Variants in B4GALNT1 observed in about 807,000 individuals in gnomAD.
B4GALNT1 encodes the protein beta-1,4 N-acetylgalactosaminyltransferase 1.
Under a neutral mutation model 55.2 loss-of-function variants are expected in B4GALNT1, and 43 were observed. The ratio of observed to expected loss-of-function variants is 0.78; its 90% CI spans 0.61 to 1.00. B4GALNT1 has a LOEUF of 1.00. Ranked by LOEUF, B4GALNT1 falls within the 50% of genes least tolerant of loss-of-function variation. The probability of loss-of-function intolerance (pLI) is 0.00; values close to 1 mark genes in which losing one functional copy is unlikely to be tolerated. For synonymous variants in B4GALNT1, 305 were observed against 311.6 expected (o/e 0.98, Z 0.22); for missense variants, 664 against 729.7 (o/e 0.91, Z 1.04).
In B4GALNT1 at chr12:57,628,465, C is replaced by T. The variant is rs149630035; in HGVS notation, c.1003-203G>A. On this transcript the variant is annotated intron_variant, in intron 8 of 10. Transcript: ENST00000341156. ...GTGGTCTTAGAATGCGTTTAATTTC[C>T]GTGTGCATTTATTTATTCATTCATC... 1.7e-4 allele frequency: 150 copies of T among 857,574 alleles called. No homozygotes were observed. In the African/African-American group the frequency reaches 2.4e-3, roughly 14 times the overall value. The allele number at this position is 857,574 out of a possible 1,614,324, so 53.1% of individuals were successfully genotyped here.
In B4GALNT1 at chr12:57,630,309, G is replaced by A; in HGVS notation, c.555C>T (p.Gly185=). 1.2e-6 allele frequency: 2 copies of A among 1,614,074 alleles called. No individual in the cohort carries two copies. Among genetic ancestry groups the A allele is most frequent in the Non-Finnish European group, 1.7e-6 (2 of 1,179,940 alleles). ...VYQVNLTASL[G]TWDVAGEVTG... ...TCACTTCCCCTGCCACGTCCCAGGT[G>A]CCTAGGGAGGCAGTCAGGTTCACCT... is the stretch of plus-strand genomic sequence containing the variant. The change falls in exon 6 of 11, where the codon GGC becomes GGT. Residue 185 remains glycine, a synonymous_variant. Transcript: ENST00000341156.
chr12:57,627,377 GAAC>G (rs1884888948), intron 10 of B4GALNT1, among the ~76,000 whole-genome samples: 1 of 149,348 alleles, frequency 6.7e-6, no homozygotes, highest in Non-Finnish European at 1.5e-5. Flanking sequence ...ATGTACCCTA[GAAC>G]TTAAAGTATA....
At chr12:57,631,663 G>C (rs992696330) in intron 2 of B4GALNT1, among the ~76,000 whole-genome samples, 11 of 152,214 alleles carry the variant, frequency 7.2e-5, no homozygotes, top group African/African-American at 2.6e-4. Flanking sequence ...CAGGACCTCA[G>C]GGAGTCTTTC....
Position 57,623,824 on chromosome 12 carries a change from CCTT to C in B4GALNT1, c.*2917_*2919del. 6.2e-7 allele frequency: 1 copy of C among 1,612,832 alleles called. No individual in the cohort carries two copies. Among genetic ancestry groups the C allele is most frequent in the Non-Finnish European group, 8.5e-7 (1 of 1,179,674 alleles). ...CTCTTCCTTTTTTGCTCCTGTTCCT[CCTT>C]TTCTCTAGCTGGCAGGCCTCTTCTC... is the stretch of plus-strand genomic sequence containing the variant. On this transcript the variant is annotated 3_prime_UTR_variant, in exon 11 of 11. Transcript: ENST00000341156.
chr12:57,628,508 C>T, intron 8 of B4GALNT1: 1 of 798,892 alleles, frequency 1.3e-6, no homozygotes, highest in East Asian at 2.7e-5. Context: ...TTATTGAATG[C>T]CATTAGGCAC....
In B4GALNT1 at chr12:57,630,994, C is replaced by T; in HGVS notation, c.476G>A (p.Ser159Asn). ...LQGVEVQPLR[S>N]ILVPGLSLQA... ...CTCCTCCCTACCTGGCACCAAGATG[C>T]TCCTGAGGGGCTGAACTTCCACACC... Residue 159 changes from serine (S) to asparagine (N), a missense_variant, in exon 4 of 11, where the codon AGC (serine) becomes AAC (asparagine). Physicochemically the swap from Ser to Asn is conservative, Grantham distance 46. Coordinates refer to ENST00000341156, the MANE Select transcript of B4GALNT1 (RefSeq NM_001478.5). 6.2e-7 allele frequency: 1 copy of T among 1,613,054 alleles called. No individual in the cohort carries two copies. The highest frequency in any genetic ancestry group is 8.5e-7 in the Non-Finnish European group (1 of 1,179,836).
Position 57,630,506 on chromosome 12 carries a change from T to C in B4GALNT1, c.503A>G (p.Gln168Arg), listed in dbSNP as rs2140250034. The C allele has an allele frequency of 1.9e-6, 3 of 1,608,932 alleles. No homozygotes were observed. Among genetic ancestry groups the C allele is most frequent in the Non-Finnish European group, 2.5e-6 (3 of 1,177,590 alleles). ...RSILVPGLSL[Q>R]AASGQEVYQV... Reference sequence around the variant, plus strand: ...GTATACCTCCTGACCAGAAGCTGCCTGAAGGCTCAGCCCTAGGAGAAAGGA... The same window carrying C: ...GTATACCTCCTGACCAGAAGCTGCCCGAAGGCTCAGCCCTAGGAGAAAGGA... Residue 168 changes from glutamine to arginine, a missense_variant, in exon 5 of 11, where the codon CAG becomes CGG. Transcript: ENST00000341156.
In B4GALNT1 at chr12:57,625,608, G is replaced by A. The variant is rs1419843367; in HGVS notation, c.*1136C>T. On this transcript the variant is annotated 3_prime_UTR_variant, in exon 11 of 11. Transcript: ENST00000341156. The stretch of plus-strand genomic sequence containing the variant: ...CTTGGTGCAGGGGACACTGACCCGG[G>A]TAGGACTCCTGGACAGGGTGACTCC... The A allele has an allele frequency of 6.3e-7, 1 of 1,593,278 alleles. No individual in the cohort carries two copies. The highest frequency in any genetic ancestry group is 8.6e-7 in the Non-Finnish European group (1 of 1,168,710).
rs774016694 is a variant in B4GALNT1 at position 57,625,711 on chromosome 12, G to T, written c.*1033C>A. The T allele has an allele frequency of 1.9e-6, 3 of 1,542,068 alleles. No homozygotes were observed. In the Admixed American group the frequency reaches 6.2e-5, roughly 32 times the overall value. ...CTGTTAAGGGGCAGTAGCACCAGGAGCGGGAGCCAGGAGGCACTGGGCTGC... is the reference window on the plus strand; with the variant it reads ...CTGTTAAGGGGCAGTAGCACCAGGATCGGGAGCCAGGAGGCACTGGGCTGC... On this transcript the variant is annotated 3_prime_UTR_variant, in exon 11 of 11. Transcript: ENST00000341156.
Position 57,631,221 on chromosome 12 carries a change from T to C in B4GALNT1, c.362A>G (p.Glu121Gly). 1.2e-6 allele frequency: 2 copies of C among 1,614,152 alleles called. No homozygotes were observed. Among genetic ancestry groups the C allele is most frequent in the Non-Finnish European group, 1.7e-6 (2 of 1,180,016 alleles). Residue 121 changes from glutamate (E) to glycine (G), a missense_variant, in exon 3 of 11, where the codon GAG (glutamate) becomes GGG (glycine). Transcript: ENST00000341156. ...GTACCTCGACAGAAAGGCCTGGAAC[T>C]CCTGCTCTCTTGTGGCAGAGGCAGC... is the stretch of plus-strand genomic sequence containing the variant. ...LRAASATREQEFQAFLSRSQS... is the reference protein window; with the variant it reads ...LRAASATREQGFQAFLSRSQS...
In B4GALNT1 at chr12:57,627,863, A is replaced by C; in HGVS notation, c.1144-5T>G. 1 of 1,571,776 alleles carries C rather than the reference A, an allele frequency of 6.4e-7. No individual in the cohort carries two copies. Among genetic ancestry groups the C allele is most frequent in the Non-Finnish European group, 8.6e-7 (1 of 1,157,942 alleles). On this transcript the variant is annotated splice_polypyrimidine_tract_variant and splice_region_variant and intron_variant, in intron 9 of 10. Transcript: ENST00000341156. ...CTCGCGCACCGCGCCCCCCACCTGC[A>C]GGGAGAGGGAGGTTGCCTCCAGGCG...
Position 57,627,834 on chromosome 12 carries a change from A to AG in B4GALNT1, c.1167dup (p.Ser390LeufsTer48), listed in dbSNP as rs1264126660. ...TGCCGATAAGTGGTGGCAAAGCCGG[A>AG]GATCTCGCGCACCGCGCCCCCCACC... On this transcript the variant is annotated frameshift_variant, in exon 10 of 11. Coordinates refer to ENST00000341156, the MANE Select transcript of B4GALNT1 (RefSeq NM_001478.5). LOFTEE classifies it high-confidence loss of function. 2 of 1,588,078 alleles carry AG rather than the reference A, an allele frequency of 1.3e-6. No homozygotes were observed. The highest frequency in any genetic ancestry group is 1.7e-6 in the Non-Finnish European group (2 of 1,165,694).
intron 4 of B4GALNT1, among the ~76,000 whole-genome samples, chr12:57,630,742 G>C (rs1885148153): frequency 1.3e-5 from 2 of 152,170 alleles, no homozygotes; most frequent in African/African-American, 4.8e-5. Context: ...CTAACCAATG[G>C]TTAGTCAGCA....
chr12:57,631,112 G>C, intron 3 of B4GALNT1, 26 bp from the exon 4 acceptor site: 1 of 1,609,034 alleles, frequency 6.2e-7, no homozygotes, highest in Non-Finnish European at 8.5e-7. Flanking sequence ...GGAGAGGACA[G>C]AGCAGAGTCG....
Position 57,625,698 on chromosome 12 carries a change from A to C in B4GALNT1, c.*1046T>G, listed in dbSNP as rs1357861913. On this transcript the variant is annotated 3_prime_UTR_variant, in exon 11 of 11. Transcript: ENST00000341156. Reference sequence around the variant, plus strand: ...TGCCCTGGGGAGCCTGTTAAGGGGCAGTAGCACCAGGAGCGGGAGCCAGGA... The same window carrying C: ...TGCCCTGGGGAGCCTGTTAAGGGGCCGTAGCACCAGGAGCGGGAGCCAGGA... The C allele has an allele frequency of 2.6e-6, 4 of 1,550,664 alleles. No individual in the cohort carries two copies. Among genetic ancestry groups the C allele is most frequent in the Non-Finnish European group, 3.5e-6 (4 of 1,150,554 alleles).
Position 57,629,105 on chromosome 12 carries a change from G to A in B4GALNT1, c.754C>T (p.Arg252Cys), listed in dbSNP as rs368334961. 152 of 1,599,314 alleles carry A rather than the reference G, an allele frequency of 9.5e-5. No individual in the cohort carries two copies. Among genetic ancestry groups the A allele is most frequent in the Non-Finnish European group, 1.2e-4 (146 of 1,169,202 alleles). ...TEGHEAAFTI[R>C]IRHPPNPRLY... ...CGAGGGTTGGGCGGGTGTCTTATGCGGATAGTGAAAGCAGCCTCATGTCCC... is the reference window on the plus strand; with the variant it reads ...CGAGGGTTGGGCGGGTGTCTTATGCAGATAGTGAAAGCAGCCTCATGTCCC... Residue 252 changes from arginine to cysteine, a missense_variant, in exon 7 of 11, where the codon CGC becomes TGC. By Grantham distance (180) the Arg-to-Cys change is radical (BLOSUM62 -3). Coordinates refer to ENST00000341156, the MANE Select transcript of B4GALNT1 (RefSeq NM_001478.5).
At position 57,625,389 on chromosome 12, in the gene B4GALNT1, C is replaced by G. The variant is rs769968340; in HGVS notation, c.*1355G>C. On this transcript the variant is annotated 3_prime_UTR_variant, in exon 11 of 11. Transcript: ENST00000341156. ...CATACCCTCTGATCTGGGACTTAAC[C>G]CCTTTGCCCCATCCCTGCAGCTGGC... 2.5e-6 allele frequency: 4 copies of G among 1,614,138 alleles called. No individual in the cohort carries two copies. The East Asian group carries it at 8.9e-5, about 36-fold the overall frequency.
At chr12:57,629,713 C>T (rs1017442781) in intron 6 of B4GALNT1, 4 of 1,360,378 alleles carry the variant, frequency 2.9e-6, no homozygotes, top group Non-Finnish European at 3.8e-6. Flanking sequence ...ATAGAAAGTG[C>T]AAAGGCCCTA....
rs1388441609 is a variant in B4GALNT1 at position 57,627,823 on chromosome 12, G to A, written c.1179C>T (p.Ala393=). The A allele has an allele frequency of 1.9e-6, 3 of 1,591,316 alleles. No homozygotes were observed. Among genetic ancestry groups the A allele is most frequent in the East Asian group, 4.5e-5 (2 of 44,098 alleles). Residue 393 remains alanine (A), a synonymous_variant, in exon 10 of 11, where the codon GCC becomes GCT. Transcript: ENST00000341156. ...GGAVREISGF[A]TTYRQLLSVE... ...CGCTCAGCAGCTGCCGATAAGTGGT[G>A]GCAAAGCCGGAGATCTCGCGCACCG... is the stretch of plus-strand genomic sequence containing the variant.
Sources: gnomAD v4.1 joint callset for allele counts (sites outside exome capture counted in the v4.1 genomes callset) on GRCh38, gnomAD v4.1.1 for gene constraint, MANE v1.5 for transcripts, NCBI Gene and HGNC (gene_info 2026-07-23, HGNC 2026-07-21) for gene names.